HNRNPR: variants seen among roughly 807,000 people sequenced by gnomAD.
HNRNPR encodes the protein heterogeneous nuclear ribonucleoprotein R.
In HNRNPR, 4 loss-of-function variants were observed where a neutral mutation model predicts 70.3. That is an observed-to-expected ratio of 0.06 (90% CI 0.03 to 0.13). The LOEUF (loss-of-function observed/expected upper bound fraction) is 0.13, where lower values mean the gene tolerates loss of function less well. Ranked by LOEUF, HNRNPR falls within the 10% of genes least tolerant of loss-of-function variation. The pLI is 1.00. For missense variants in HNRNPR, 423 were observed against 788.5 expected (o/e 0.54, Z 5.55); for synonymous variants, 241 against 267.6 (o/e 0.90, Z 0.97).
chr1:23,333,737 T>C (rs1646338972), intron 4 of HNRNPR, 106 bp from the exon 5 acceptor site: 1 of 599,014 alleles, frequency 1.7e-6, no homozygotes. Flanking sequence ...AGGAGATATA[T>C]TTTTATGGTT....
At chr1:23,329,597 T>C (rs984210689) in intron 5 of HNRNPR, among the ~76,000 whole-genome samples, 12 of 152,176 alleles carry the variant, frequency 7.9e-5, no homozygotes, top group Non-Finnish European at 4.4e-5. Flanking sequence ...ATCAAGTACT[T>C]CAACAGTAAT....
intron 9 of HNRNPR, among the ~76,000 whole-genome samples, chr1:23,312,776 A>T (rs1645383988): frequency 6.6e-6 from 1 of 152,184 alleles, no homozygotes; most frequent in South Asian, 2.1e-4. Context: ...ACATGCAGAA[A>T]AAGAACCATG....
chr1:23,338,087 T>C (rs1300312365), intron 3 of HNRNPR: 2 of 441,132 alleles, frequency 4.5e-6, no homozygotes, highest in Non-Finnish European at 8.1e-6. Context: ...AAACACAGTC[T>C]TCCACTTGTT....
intron 7 of HNRNPR, among the ~76,000 whole-genome samples, chr1:23,319,577 T>C (rs1266998172): frequency 1.3e-5 from 2 of 152,192 alleles, no homozygotes. Context: ...CAGCTTCCAC[T>C]CACACCCCTT....
chr1:23,324,506 T>C (rs888172738), intron 5 of HNRNPR, among the ~76,000 whole-genome samples: 4 of 152,064 alleles, frequency 2.6e-5, no homozygotes, highest in Non-Finnish European at 4.4e-5. Flanking sequence ...AGGTGGAGCT[T>C]GCAGCGAGCC....
At position 23,310,891 on chromosome 1, in the gene HNRNPR, G is replaced by C; in HGVS notation, c.1465C>G (p.Pro489Ala). ...TAGCCATCATCATAGCCGTAGTAGG[G>C]ATCTTCATAGCCTCCACGATAGTCG... is the stretch of plus-strand genomic sequence containing the variant. ...YHDYRGGYEDPYYGYDDGYAV... is the reference protein window; with the variant it reads ...YHDYRGGYEDAYYGYDDGYAV... The change falls in exon 11 of 11, where the codon CCC becomes GCC. Residue 489 changes from proline (P) to alanine (A), a missense_variant. Coordinates refer to ENST00000302271, the MANE Select transcript of HNRNPR (RefSeq NM_005826.5). This position sits in a 1 kb window ranked among gnomAD's most constrained non-coding sequence, Gnocchi z 6.0. 6.2e-7 allele frequency: 1 copy of C among 1,613,976 alleles called. No individual in the cohort carries two copies. The highest frequency in any genetic ancestry group is 8.5e-7 in the Non-Finnish European group (1 of 1,179,978).
chr1:23,312,034 C>T (rs946490821), intron 9 of HNRNPR: 2 of 152,226 alleles, frequency 1.3e-5, no homozygotes, highest in South Asian at 2.1e-4. Flanking sequence ...CTCTGCCATA[C>T]ATCAAAAGGT....
Position 23,337,654 on chromosome 1 carries a change from C to CAAAAAAAAAAAA in HNRNPR, c.384+88_384+99dup, listed in dbSNP as rs372423149. 3.6e-4 allele frequency: 227 copies of CAAAAAAAAAAAA among 626,420 alleles called. 2 individuals carry two copies. The highest frequency in any genetic ancestry group is 3.4e-3 in the African/African-American group (151 of 44,762). The allele number at this position is 626,420 out of a possible 1,614,324, so 38.8% of individuals were successfully genotyped here. ...TGGGCGACAGAGCAAGACTCCGTCT[C>CAAAAAAAAAAAA]AAAAAAAAAAAAAGTGAAACTTTCT... On this transcript the variant is annotated intron_variant, in intron 4 of 10. Transcript: ENST00000302271.
chr1:23,306,327 T>C lies in HNRNPR; in HGVS notation c.*4127A>G, dbSNP rs1479936985. 2 of 152,066 alleles carry C rather than the reference T, an allele frequency of 1.3e-5. No individual in the cohort carries two copies. Among genetic ancestry groups the C allele is most frequent in the East Asian group, 1.9e-4 (1 of 5,196 alleles). 9.4% of individuals were successfully genotyped at this position (152,066 alleles called of 1,614,324 possible). On this transcript the variant is annotated 3_prime_UTR_variant, in exon 11 of 11. Coordinates refer to ENST00000302271, the MANE Select transcript of HNRNPR (RefSeq NM_005826.5). ...CTATTTTTCTACAAGGCTGACATAA[T>C]TGCCCACTTATAGGATATGGGCATT...
rs915035016 is a variant in HNRNPR, at chr1:23,305,008, T to A, written c.*5446A>T. 8 of 152,228 alleles carry A rather than the reference T, an allele frequency of 5.3e-5. No homozygotes were observed. Among genetic ancestry groups the A allele is most frequent in the African/African-American group, 1.7e-4 (7 of 41,458 alleles). 9.4% of individuals were successfully genotyped at this position (152,228 alleles called of 1,614,324 possible). A position where few individuals can be genotyped will look rare whatever the true frequency, so the allele number is the denominator to read the frequency against. ...AAGTCCCTTTTGCCCAACCCTCATA[T>A]GTGAGAAATCAAGAAAAGCAATGTT... On this transcript the variant is annotated 3_prime_UTR_variant, in exon 11 of 11. Transcript: ENST00000302271.
At chr1:23,325,509 G>A (rs1294071669) in intron 5 of HNRNPR, among the ~76,000 whole-genome samples, 1 of 152,048 alleles carries the variant, frequency 6.6e-6, no homozygotes, top group Non-Finnish European at 1.5e-5. Context: ...ACCTCCTTAA[G>A]GTCCCCAATC....
rs1646685133 is a variant in HNRNPR at position 23,340,973 on chromosome 1, T to C, written c.36A>G (p.Leu12=). The part of the protein sequence containing the change: ...ANQVNGNAVQ[L]KEEEEPMDTS... Reference sequence around the variant, plus strand: ...TATCCATTGGTTCTTCCTCTTCTTTTAACTGTACCGCATTACCATTCACCT... The same window carrying C: ...TATCCATTGGTTCTTCCTCTTCTTTCAACTGTACCGCATTACCATTCACCT... Residue 12 remains leucine, a synonymous_variant, in exon 2 of 11, where the codon TTA becomes TTG. Coordinates refer to ENST00000302271, the MANE Select transcript of HNRNPR (RefSeq NM_005826.5). The C allele has an allele frequency of 6.2e-7, 1 of 1,613,490 alleles. No individual in the cohort carries two copies. Among genetic ancestry groups the C allele is most frequent in the Non-Finnish European group, 8.5e-7 (1 of 1,179,640 alleles).
At position 23,335,154 on chromosome 1, in the gene HNRNPR, G is replaced by A. The variant is rs142781902; in HGVS notation, c.385-1523C>T. ...AGGATGGTCTCGATCTCCTGACCTC[G>A]TGATCCACCCGCCTCAGCCTCCCAA... On this transcript the variant is annotated intron_variant, in intron 4 of 10. Coordinates refer to ENST00000302271, the MANE Select transcript of HNRNPR (RefSeq NM_005826.5). Among the ~76,000 whole-genome samples, 853 of 152,298 alleles carry A rather than the reference G, an allele frequency of 5.6e-3. 6 individuals carry two copies. The highest frequency in any genetic ancestry group is 0.042 in the East Asian group (217 of 5,180).
At chr1:23,313,875 T>C (rs1055343310) in intron 8 of HNRNPR, among the ~76,000 whole-genome samples, 173 bp from the exon 9 acceptor site, 3 of 152,140 alleles carry the variant, frequency 2.0e-5, no homozygotes, top group African/African-American at 7.2e-5. Flanking sequence ...CAGTCACCAA[T>C]TTACAAAAAT....
rs538392972 is a variant in HNRNPR, at chr1:23,338,009, T to A, written c.277-148A>T. ...AAGTATTTGCCGAGTGGTTACTATG[T>A]GCCAGAGATTGGAGCAGACAGCAGT... On this transcript the variant is annotated intron_variant, in intron 3 of 10. Coordinates refer to ENST00000302271, the MANE Select transcript of HNRNPR (RefSeq NM_005826.5). 4.9e-5 allele frequency: 30 copies of A among 617,972 alleles called. No homozygotes were observed. In the East Asian group the frequency reaches 7.8e-4, roughly 16 times the overall value. 38.3% of individuals were successfully genotyped at this position (617,972 alleles called of 1,614,324 possible).
rs750818667 is a variant in HNRNPR at position 23,311,206 on chromosome 1, G to A, written c.1284C>T (p.Ser428=). ...ERQAARQASR[S]TAYEDYYYHP... ...CTACTAAAATGTAGACTCACGCAGT[G>A]CTTCTGGAGGCCTGTCTAGCAGCTT... Residue 428 remains serine, a synonymous_variant, in exon 10 of 11, where the codon AGC becomes AGT. Transcript: ENST00000302271. 2 of 1,613,896 alleles carry A rather than the reference G, an allele frequency of 1.2e-6. No individual in the cohort carries two copies. Among genetic ancestry groups the A allele is most frequent in the South Asian group, 1.1e-5 (1 of 91,072 alleles).
At chr1:23,331,258 T>C (rs1208489659) in intron 5 of HNRNPR, among the ~76,000 whole-genome samples, 1 of 152,096 alleles carries the variant, frequency 6.6e-6, no homozygotes, top group African/African-American at 2.4e-5. Context: ...TTGTTTCGAA[T>C]TGGTTATCTC....
rs1171306222 is a variant in HNRNPR, at chr1:23,310,771, A to G, written c.1585T>C (p.Tyr529His). The G allele has an allele frequency of 1.2e-6, 2 of 1,613,696 alleles. No homozygotes were observed. Among genetic ancestry groups the G allele is most frequent in the Non-Finnish European group, 1.7e-6 (2 of 1,179,902 alleles). Residue 529 changes from tyrosine (Y) to histidine (H), a missense_variant, in exon 11 of 11, where the codon TAT (tyrosine) becomes CAT (histidine). Tyr to His is a moderately conservative substitution (Grantham distance 83). Transcript: ENST00000302271. The surrounding 1 kb of genome is among the most constrained non-coding windows in gnomAD (Gnocchi z 6.0). Reference protein sequence around the residue: ...GAPPPRGRAGYSQRGAPLGPP... With the variant: ...GAPPPRGRAGHSQRGAPLGPP... ...CCCAAAGGTGCCCCCCTCTGTGAAT[A>G]GCCAGCTCTACCTCTTGGAGGTGGT...
At chr1:23,327,227 A>G (rs1646023854) in intron 5 of HNRNPR, among the ~76,000 whole-genome samples, 1 of 152,072 alleles carries the variant, frequency 6.6e-6, no homozygotes, top group African/African-American at 2.4e-5. Flanking sequence ...CATGGCTCCC[A>G]CCCTACTCAG....
Sources: allele counts gnomAD v4.1 joint callset (sites outside exome capture counted in the v4.1 genomes callset), GRCh38; gene constraint gnomAD v4.1.1; non-coding constraint Gnocchi (gnomAD v3.1); transcripts MANE v1.5; gene names NCBI Gene and HGNC (gene_info 2026-07-23, HGNC 2026-07-21).